MTMR14: variants seen among roughly 807,000 people sequenced by gnomAD.
MTMR14 encodes phosphatidylinositol-3,5-bisphosphate 3-phosphatase MTMR14.
Under a neutral mutation model 86.3 loss-of-function variants are expected in MTMR14, and 48 were observed. The ratio of observed to expected loss-of-function variants is 0.56; its 90% CI spans 0.44 to 0.71. MTMR14 has a LOEUF of 0.71. Among genes scored for constraint, MTMR14 ranks in the 30% least tolerant of loss-of-function variants. MTMR14 has a pLI of 0.00. For missense variants in MTMR14, 780 were observed against 834.6 expected (o/e 0.93, Z 0.81); for synonymous variants, 366 against 326.1 (o/e 1.12, Z -1.32).
intron 2 of MTMR14, among the ~76,000 whole-genome samples, chr3:9,656,996 T>A (rs1433049779): frequency 6.6e-6 from 1 of 152,062 alleles, no homozygotes; most frequent in African/African-American, 2.4e-5. Context: ...TGCTGCGGCC[T>A]TGATCCCCTG....
chr3:9,696,938 G>C (rs1008939304), intron 17 of MTMR14, among the ~76,000 whole-genome samples: 5 of 152,094 alleles, frequency 3.3e-5, no homozygotes, highest in African/African-American at 1.2e-4. Flanking sequence ...CTGGACTACT[G>C]CCCAGGACAG....
At chr3:9,664,831 T>A (rs2048157125) in intron 3 of MTMR14, among the ~76,000 whole-genome samples, 1 of 152,150 alleles carries the variant, frequency 6.6e-6, no homozygotes, top group African/African-American at 2.4e-5. Flanking sequence ...GAGTAAGATC[T>A]AGTATTTGAT....
chr3:9,669,538 G>T (rs1412600652), intron 5 of MTMR14, 46 bp downstream of exon 5: 2 of 1,592,050 alleles, frequency 1.3e-6, no homozygotes, highest in Admixed American at 1.7e-5. Flanking sequence ...TGGGGATGGG[G>T]TGTCTGGCCA....
In MTMR14 at chr3:9,671,061, C is replaced by T. The variant is rs1051906536; in HGVS notation, c.568C>T (p.His190Tyr). Residue 190 changes from histidine to tyrosine, a missense_variant, in exon 6 of 19, where the codon CAT (histidine) becomes TAT (tyrosine). By Grantham distance (83) the His-to-Tyr change is moderately conservative. Coordinates refer to ENST00000296003, the MANE Select transcript of MTMR14 (RefSeq NM_001077525.3). The part of the protein sequence containing the change: ...EDCALRSGDT[H>Y]LFDKVRGYDI... ...TCTTTATTTCAGAAGTGGTGACACG[C>T]ATCTTTTTGATAAGGTCAGAGGCTA... 1.2e-6 allele frequency: 2 copies of T among 1,614,060 alleles called. No homozygotes were observed. Among genetic ancestry groups the T allele is most frequent in the Non-Finnish European group, 1.7e-6 (2 of 1,180,022 alleles).
chr3:9,655,803 C>T (rs1360005815), intron 2 of MTMR14, among the ~76,000 whole-genome samples: 2 of 152,010 alleles, frequency 1.3e-5, no homozygotes, highest in Non-Finnish European at 2.9e-5. Flanking sequence ...ACCGCTGCTG[C>T]AGGCCATGGG....
intron 9 of MTMR14, among the ~76,000 whole-genome samples, chr3:9,679,893 G>A (rs938861964): frequency 2.0e-5 from 3 of 152,170 alleles, no homozygotes; most frequent in African/African-American, 7.2e-5. Flanking sequence ...CTCCCAAGAG[G>A]CCACCTCTTC....
At chr3:9,682,693 C>T (rs1233595283) in intron 9 of MTMR14, among the ~76,000 whole-genome samples, 1 of 152,160 alleles carries the variant, frequency 6.6e-6, no homozygotes. Flanking sequence ...GCAAATGAAG[C>T]ATGTTTGAAA....
At chr3:9,672,896 G>A (rs2048652087) in intron 7 of MTMR14, 138 bp downstream of exon 7, 2 of 814,208 alleles carry the variant, frequency 2.5e-6, no homozygotes, top group Non-Finnish European at 2.1e-6. Flanking sequence ...AGGACATTTT[G>A]GTTCCCAGTC....
rs751330471 is a variant in MTMR14, at chr3:9,690,102, T to C, written c.1572T>C (p.Phe524=). The change falls in exon 17 of 19, where the codon TTT becomes TTC. Residue 524 remains phenylalanine, a synonymous_variant. Transcript: ENST00000296003. ...SSSSSNHSDN[F]FRMGSSPLEV... is the part of the protein sequence containing the mutation. ...CTTCCTCAAACCATTCTGATAACTT[T>C]TTCAGGATGGGTAGCAGTCCCCTGG... The C allele has an allele frequency of 3.7e-6, 6 of 1,613,626 alleles. No individual in the cohort carries two copies. In the East Asian group the frequency reaches 1.3e-4, roughly 36 times the overall value.
At chr3:9,684,345 G>A (rs1291201541) in intron 10 of MTMR14, among the ~76,000 whole-genome samples, 2 of 152,150 alleles carry the variant, frequency 1.3e-5, no homozygotes. Context: ...AGGCTGCACT[G>A]TGTCCCCAGA....
chr3:9,686,489 C>A (rs555314558), intron 13 of MTMR14, among the ~76,000 whole-genome samples: 13 of 152,146 alleles, frequency 8.5e-5, no homozygotes, highest in South Asian at 2.1e-4. Flanking sequence ...TTCTGTTACC[C>A]CCCCCAGACA....
intron 18 of MTMR14, chr3:9,699,552 C>T (rs2076389618): frequency 6.6e-6 from 1 of 152,258 alleles, no homozygotes; most frequent in Non-Finnish European, 1.5e-5. Flanking sequence ...ATCCTAGCTG[C>T]TCTATTCACC....
rs534142552 is a variant in MTMR14 at position 9,675,999 on chromosome 3, A to G, written c.752-1318A>G. On this transcript the variant is annotated intron_variant, in intron 7 of 18. Transcript: ENST00000296003. Reference sequence around the variant, plus strand: ...CTGGGGATTAGAGTGCAGGGTGTGTATGGAATGAAAGCCACTTCTGGAAAA... The same window carrying G: ...CTGGGGATTAGAGTGCAGGGTGTGTGTGGAATGAAAGCCACTTCTGGAAAA... Among the ~76,000 whole-genome samples, 21 of 152,284 alleles carry G rather than the reference A, an allele frequency of 1.4e-4. No individual in the cohort carries two copies. In the South Asian group the frequency reaches 3.7e-3, roughly 27 times the overall value.
In MTMR14 at chr3:9,683,175, C is replaced by T. The variant is rs769592499; in HGVS notation, c.898-3C>T. On this transcript the variant is annotated splice_region_variant and splice_polypyrimidine_tract_variant and intron_variant, in intron 9 of 18. Coordinates refer to ENST00000296003, the MANE Select transcript of MTMR14 (RefSeq NM_001077525.3). ...TCCATTTCTTCTCACTTTTCTCCAACAGTGTTGGGATCTGGTGCAACAAAC... is the reference window on the plus strand; with the variant it reads ...TCCATTTCTTCTCACTTTTCTCCAATAGTGTTGGGATCTGGTGCAACAAAC... 2.8e-5 allele frequency: 45 copies of T among 1,613,764 alleles called. No homozygotes were observed. The South Asian group carries it at 4.0e-4, about 14-fold the overall frequency.
chr3:9,668,668 G>GTGCA (rs746969910), intron 3 of MTMR14, 51 bp from the exon 4 acceptor site: 1 of 1,592,550 alleles, frequency 6.3e-7, no homozygotes, highest in South Asian at 1.1e-5. Context: ...TCCTTCAACT[G>GTGCA]TGCATGCTTC....
At chr3:9,660,552 C>T (rs559797397) in intron 2 of MTMR14, among the ~76,000 whole-genome samples, 2 of 152,262 alleles carry the variant, frequency 1.3e-5, no homozygotes, top group South Asian at 2.1e-4. Flanking sequence ...TGAGCCACCA[C>T]GCCTGGCCCC....
intron 2 of MTMR14, among the ~76,000 whole-genome samples, chr3:9,658,658 A>AT (rs1282367856): frequency 6.6e-6 from 1 of 152,200 alleles, no homozygotes; most frequent in African/African-American, 2.4e-5. Context: ...TGGGCTAGAG[A>AT]TTTCATCTCA....
intron 2 of MTMR14, among the ~76,000 whole-genome samples, chr3:9,661,188 C>T (rs931447153): frequency 6.6e-6 from 1 of 152,188 alleles, no homozygotes; most frequent in Non-Finnish European, 1.5e-5. Context: ...GACCAAGAAA[C>T]GTCATCTCAT....
At chr3:9,684,996 C>T (rs200891251) in intron 12 of MTMR14, 32 bp downstream of exon 12, 488 of 1,600,462 alleles carry the variant, frequency 3.0e-4, no homozygotes, top group African/African-American at 2.9e-3. Context: ...GTTTTGGGGC[C>T]TTAGTAACAG....
Sources: allele counts gnomAD v4.1 joint callset (sites outside exome capture counted in the v4.1 genomes callset), GRCh38; gene constraint gnomAD v4.1.1; transcripts MANE v1.5; gene names NCBI Gene and HGNC (gene_info 2026-07-23, HGNC 2026-07-21).